Variants in HTR2C observed in about 807,000 individuals in gnomAD.
HTR2C encodes the protein 5-hydroxytryptamine (serotonin) receptor 2C, G protein-coupled.
In HTR2C, 5 loss-of-function variants were observed where a neutral mutation model predicts 21.0. The observed-to-expected ratio is 0.24, with a 90% confidence interval of 0.12 to 0.50. The LOEUF (loss-of-function observed/expected upper bound fraction) is 0.50, where lower values mean the gene tolerates loss of function less well. Ranked by LOEUF, HTR2C falls within the 20% of genes least tolerant of loss-of-function variation. The pLI is 0.98. For missense variants in HTR2C, 271 were observed against 371.2 expected, an observed-to-expected ratio of 0.73 and a Z score of 2.22; for synonymous variants, 150 against 145.3, an observed-to-expected ratio of 1.03 and a Z score of -0.23.
At chrX:114,756,468 G>A (rs782621421) in intron 4 of HTR2C, among the ~76,000 whole-genome samples, 6 of 111,753 alleles carry the variant, frequency 5.4e-5, no homozygotes, top group Non-Finnish European at 9.4e-5. Flanking sequence ...ACAAGCTGTG[G>A]TACCTCCATA....
chrX:114,830,622 ATATTT>A (rs1489812300), intron 4 of HTR2C, among the ~76,000 whole-genome samples: 14 of 105,618 alleles, frequency 1.3e-4, no homozygotes, highest in African/African-American at 3.4e-4. Context: ...TAGTTTCTTT[ATATTT>A]TATTTTATTT....
chrX:114,740,721 T>A (rs2069636619), intron 4 of HTR2C, among the ~76,000 whole-genome samples: 1 of 111,755 alleles, frequency 8.9e-6, no homozygotes, highest in Admixed American at 9.5e-5. Flanking sequence ...ATAACCACAC[T>A]GAAGTACAAA....
At chrX:114,727,048 C>T (rs1046797231) in intron 3 of HTR2C, 77 bp downstream of exon 3, 3 of 583,707 alleles carry the variant, frequency 5.1e-6, no homozygotes, top group African/African-American at 4.9e-5. Flanking sequence ...TAAAAAAATG[C>T]TTCTATATGA....
At chrX:114,778,291 A>G (rs1249973318) in intron 4 of HTR2C, among the ~76,000 whole-genome samples, 3 of 111,843 alleles carry the variant, frequency 2.7e-5, no homozygotes, top group African/African-American at 9.7e-5. Context: ...TTTCTCACCC[A>G]CATTAGCAGG....
chrX:114,770,128 T>G (rs2147388921), intron 4 of HTR2C, among the ~76,000 whole-genome samples: 1 of 111,773 alleles, frequency 8.9e-6, no homozygotes, highest in African/African-American at 3.2e-5. Context: ...TATCTCTTGC[T>G]TCTTCCAGAA....
intron 2 of HTR2C, among the ~76,000 whole-genome samples, chrX:114,726,571 A>G (rs995153305): frequency 1.2e-4 from 14 of 112,396 alleles, no homozygotes; most frequent in African/African-American, 4.2e-4. Context: ...TCTTTTTCAA[A>G]ACATTGATTT....
intron 2 of HTR2C, among the ~76,000 whole-genome samples, chrX:114,726,188 C>T (rs1453902374): frequency 9.8e-5 from 11 of 112,592 alleles, no homozygotes; most frequent in Middle Eastern, 4.6e-3. Context: ...ATAGGACCCT[C>T]GGAACCAGGT....
At chrX:114,892,579 C>T (rs2071266144) in intron 5 of HTR2C, among the ~76,000 whole-genome samples, 1 of 111,246 alleles carries the variant, frequency 9.0e-6, no homozygotes, top group Non-Finnish European at 1.9e-5. Flanking sequence ...TTCTGAGTAA[C>T]AGATCGTATA....
At chrX:114,865,427 G>A (rs1556474281) in intron 5 of HTR2C, among the ~76,000 whole-genome samples, 1 of 111,729 alleles carries the variant, frequency 9.0e-6, no homozygotes, top group Non-Finnish European at 1.9e-5. Flanking sequence ...TGTACAATAG[G>A]TGTACATTTA....
rs782582846 is a variant in HTR2C, at chrX:114,776,918, C to G, written c.349+45311C>G. ...AAATTTCATAGCAAATACTATGGAA[C>G]AAAAAAATGATGTCAAAAACACTAT... On this transcript the variant is annotated intron_variant, in intron 4 of 5. Transcript: ENST00000276198. The G allele has an allele frequency of 2.8e-5, 4 of 144,920 alleles. No homozygotes were observed. The South Asian group carries it at 8.8e-4, about 32-fold the overall frequency. 11.9% of individuals were successfully genotyped at this position (144,920 alleles called of 1,213,427 possible).
At chrX:114,706,837 G>A (rs1556418258) in intron 2 of HTR2C, among the ~76,000 whole-genome samples, 1 of 111,124 alleles carries the variant, frequency 9.0e-6, no homozygotes, top group African/African-American at 3.3e-5. Context: ...GCACCATGTT[G>A]AGCTAAAATC....
chrX:114,801,277 G>T (rs1401644990), intron 4 of HTR2C, among the ~76,000 whole-genome samples: 1 of 111,294 alleles, frequency 9.0e-6, no homozygotes, highest in Non-Finnish European at 1.9e-5. Context: ...TCCATCATCA[G>T]TGTATCCAAG....
chrX:114,788,250 T>C (rs1233438488), intron 4 of HTR2C, among the ~76,000 whole-genome samples: 1 of 110,784 alleles, frequency 9.0e-6, no homozygotes, highest in Non-Finnish European at 1.9e-5. Flanking sequence ...AGTTCATGAG[T>C]ATGGATTCTT....
chrX:114,795,539 G>A (rs1180706537), intron 4 of HTR2C, among the ~76,000 whole-genome samples: 2 of 111,517 alleles, frequency 1.8e-5, no homozygotes, highest in Non-Finnish European at 3.8e-5. Context: ...ATTAATTTTT[G>A]TATAAGGTGT....
At chrX:114,690,898 G>A (rs983760000) in intron 2 of HTR2C, among the ~76,000 whole-genome samples, 8 of 111,012 alleles carry the variant, frequency 7.2e-5, no homozygotes, top group Admixed American at 2.9e-4. Flanking sequence ...ACACTGCATC[G>A]CATCCTATTT....
At position 114,608,884 on chromosome X, in the gene HTR2C, G is replaced by A. The variant is rs1928594088; in HGVS notation, c.-146-4931G>A. ...CAAAACTATCCTTTCCAGAGAAGAG[G>A]CATTTACCTCAAAAAAACTTTTGTG... On this transcript the variant is annotated intron_variant, in intron 1 of 5. Coordinates refer to ENST00000276198, the MANE Select transcript of HTR2C (RefSeq NM_000868.4). Among the ~76,000 whole-genome samples, 5 of 111,630 alleles carry A rather than the reference G, an allele frequency of 4.5e-5. No homozygotes were observed. The South Asian group carries it at 1.9e-3, about 42-fold the overall frequency.
chrX:114,724,806 T>C (rs1556421497), intron 2 of HTR2C, among the ~76,000 whole-genome samples: 1 of 102,381 alleles, frequency 9.8e-6, no homozygotes, highest in Admixed American at 1.1e-4. Context: ...AAATTCTGGG[T>C]TGAAAATTCC....
At chrX:114,757,955 A>G (rs2069829711) in intron 4 of HTR2C, among the ~76,000 whole-genome samples, 1 of 111,002 alleles carries the variant, frequency 9.0e-6, no homozygotes, top group African/African-American at 3.3e-5. Context: ...CTTAAAAAAC[A>G]TGAACACACA....
intron 5 of HTR2C, among the ~76,000 whole-genome samples, chrX:114,875,436 T>A (rs2071126068): frequency 8.9e-6 from 1 of 112,104 alleles, no homozygotes; most frequent in Non-Finnish European, 1.9e-5. Context: ...TTATTTTTGC[T>A]TATTTATGTT....
Sources: gnomAD v4.1 joint callset for allele counts (sites outside exome capture counted in the v4.1 genomes callset) on GRCh38, gnomAD v4.1.1 for gene constraint, MANE v1.5 for transcripts, NCBI Gene and HGNC (gene_info 2026-07-23, HGNC 2026-07-21) for gene names.